The following MYH10 variants were observed in gnomAD, a reference collection of about 807,000 sequenced individuals.
MYH10 encodes the protein myosin heavy chain 10.
Under a neutral mutation model 257.8 loss-of-function variants are expected in MYH10, and 55 were observed. That is an observed-to-expected ratio of 0.21 (90% CI 0.17 to 0.27). The LOEUF is 0.27. MYH10 is among the 10% of genes least tolerant of loss of function. The pLI, the probability that MYH10 is intolerant of heterozygous loss-of-function variation, is 1.00. For missense variants in MYH10, 1,631 were observed against 2,500.6 expected (o/e 0.65, Z 7.42); for synonymous variants, 854 against 921.7 (o/e 0.93, Z 1.33).
chr17:8,489,747 C>CACACACACACACACACACA (rs1567784631), intron 35 of MYH10, among the ~76,000 whole-genome samples: 2 of 79,694 alleles, frequency 2.5e-5, no homozygotes, highest in African/African-American at 1.2e-4. Context: ...ACACACACAC[C>CACACACACACACACACACA]CCAAATCCAA....
intron 14 of MYH10, among the ~76,000 whole-genome samples, chr17:8,540,104 C>G (rs903597340): frequency 6.6e-6 from 1 of 152,208 alleles, no homozygotes; most frequent in African/African-American, 2.4e-5. Context: ...ATTCTCATGT[C>G]TCAGCCTCCT....
rs767996483 is a variant in MYH10, at chr17:8,490,563, G to A, written c.4672-11C>T. ...TTCAAGTTCGTGAACCTAAACCACCGAAGCATCAGGAAAGAGTTGACCGGG... is the reference window on the plus strand; with the variant it reads ...TTCAAGTTCGTGAACCTAAACCACCAAAGCATCAGGAAAGAGTTGACCGGG... On this transcript the variant is annotated splice_polypyrimidine_tract_variant and intron_variant, in intron 34 of 42. Coordinates refer to ENST00000360416, the MANE Select transcript of MYH10 (RefSeq NM_001256012.3). The surrounding 1 kb of genome is among the most constrained non-coding windows in gnomAD (Gnocchi z 4.1). 12 of 1,612,506 alleles carry A rather than the reference G, an allele frequency of 7.4e-6. No homozygotes were observed. The highest frequency in any genetic ancestry group is 1.7e-4 in the Middle Eastern group (1 of 6,058).
chr17:8,489,129 G>A (rs1224767853), intron 35 of MYH10, among the ~76,000 whole-genome samples: 1 of 152,066 alleles, frequency 6.6e-6, no homozygotes, highest in Non-Finnish European at 1.5e-5. Context: ...GGAGGCCCAT[G>A]TGGTGAGCTG....
At position 8,545,596 on chromosome 17, in the gene MYH10, T is replaced by G; in HGVS notation, c.1283A>C (p.Asp428Ala). ...TTTTGCCAATGCTTCTACTGCAAAA[T>G]CTGCCTGTAATTAAATCACAACAAC... ...VQKAQTKEQA[D>A]FAVEALAKAT... Residue 428 changes from aspartate (D) to alanine (A), a missense_variant, in exon 13 of 43, where the codon GAT becomes GCT. This residue lies in a region of MYH10 where 360 missense variants were observed against 581.9 expected (regional missense o/e 0.62). Transcript: ENST00000360416. The surrounding 1 kb of genome is among the most constrained non-coding windows in gnomAD (Gnocchi z 4.7). The G allele has an allele frequency of 6.2e-7, 1 of 1,608,882 alleles. No individual in the cohort carries two copies. Among genetic ancestry groups the G allele is most frequent in the Non-Finnish European group, 8.5e-7 (1 of 1,178,754 alleles).
At chr17:8,628,309 C>A (rs2085759963) in intron 1 of MYH10, among the ~76,000 whole-genome samples, 1 of 152,098 alleles carries the variant, frequency 6.6e-6, no homozygotes, top group African/African-American at 2.4e-5. Context: ...AGTTGCCATC[C>A]CTTTCAGTGG....
rs377198289 is a variant in MYH10, at chr17:8,508,591, G to A, written c.3177C>T (p.Ile1059=). 2.5e-6 allele frequency: 4 copies of A among 1,613,912 alleles called. No individual in the cohort carries two copies. Among genetic ancestry groups the A allele is most frequent in the African/African-American group, 1.3e-5 (1 of 74,860 alleles). The change falls in exon 26 of 43, where the codon ATC becomes ATT. Residue 1059 remains isoleucine, a synonymous_variant. Transcript: ENST00000360416. ...AGATCATCACTTCTTGCTTATTCCT[G>A]ATTTTGGCCAAGTTTTTCGCCTTTT... ...EEEKAKNLAK[I]RNKQEVMISD... is the part of the protein sequence containing the mutation.
At position 8,554,761 on chromosome 17, in the gene MYH10, C is replaced by T. The variant is rs139207885; in HGVS notation, c.757-743G>A. 4.7e-3 allele frequency among the ~76,000 whole-genome samples: 718 copies of T among 152,196 alleles called. 4 individuals carry two copies. Among genetic ancestry groups the T allele is most frequent in the African/African-American group, 0.016 (667 of 41,524 alleles). ...GGTCAGGAGTTCAAGACCAGCCCGG[C>T]CAATACGGTGAAACCCCGTCTCTAC... On this transcript the variant is annotated intron_variant, in intron 7 of 42. Coordinates refer to ENST00000360416, the MANE Select transcript of MYH10 (RefSeq NM_001256012.3).
At chr17:8,541,348 A>T (rs1219422258) in intron 14 of MYH10, among the ~76,000 whole-genome samples, 1 of 152,246 alleles carries the variant, frequency 6.6e-6, no homozygotes, top group East Asian at 1.9e-4. Flanking sequence ...TACGTTACAG[A>T]TATCGGTGGT....
intron 1 of MYH10, among the ~76,000 whole-genome samples, chr17:8,628,003 T>C (rs897664239): frequency 3.9e-5 from 6 of 152,178 alleles, no homozygotes; most frequent in African/African-American, 1.4e-4. Context: ...GAAGGTGACA[T>C]GGAGGAAATT....
chr17:8,508,292 GGAGTC>G (rs1351613612), intron 26 of MYH10, among the ~76,000 whole-genome samples: 1 of 151,158 alleles, frequency 6.6e-6, no homozygotes, highest in Non-Finnish European at 1.5e-5. Flanking sequence ...TTGTAGAGAT[GGAGTC>G]TCACTATGCT....
intron 36 of MYH10, among the ~76,000 whole-genome samples, chr17:8,486,691 C>G (rs1914869054): frequency 6.6e-6 from 1 of 151,876 alleles, no homozygotes; most frequent in South Asian, 2.1e-4. Context: ...TATACACACA[C>G]ATGTGTAGAG....
At chr17:8,534,120 AACTCTGAGGAT>A (rs1444666052) in intron 16 of MYH10, among the ~76,000 whole-genome samples, 2 of 152,150 alleles carry the variant, frequency 1.3e-5, no homozygotes, top group Non-Finnish European at 2.9e-5. Flanking sequence ...AGAGGAGCTC[AACTCTGAGGAT>A]ACTGTAAGTT....
chr17:8,476,094 G>T, intron 42 of MYH10, 146 bp from the exon 43 acceptor site: 2 of 937,612 alleles, frequency 2.1e-6, no homozygotes, highest in Non-Finnish European at 3.1e-6. Context: ...GTACGATGGG[G>T]AAGGACTGCG....
rs757609965 is a variant in MYH10 at position 8,504,655 on chromosome 17, C to A, written c.3599+39G>T. ...TTCTGCACGGGCTCGGTGGAGAGGTCGGCAGGCGCCCGGGCCCTGCTTCCT... is the reference window on the plus strand; with the variant it reads ...TTCTGCACGGGCTCGGTGGAGAGGTAGGCAGGCGCCCGGGCCCTGCTTCCT... On this transcript the variant is annotated intron_variant, in intron 28 of 42. Coordinates refer to ENST00000360416, the MANE Select transcript of MYH10 (RefSeq NM_001256012.3). The surrounding 1 kb of genome is among the most constrained non-coding windows in gnomAD (Gnocchi z 5.6). The A allele has an allele frequency of 2.5e-6, 4 of 1,579,288 alleles. No homozygotes were observed. The South Asian group carries it at 4.5e-5, about 18-fold the overall frequency.
At position 8,493,686 on chromosome 17, in the gene MYH10, GA is replaced by G. The variant is rs538163173; in HGVS notation, c.4209+46del. On this transcript the variant is annotated intron_variant, in intron 32 of 42. Coordinates refer to ENST00000360416, the MANE Select transcript of MYH10 (RefSeq NM_001256012.3). Reference sequence around the variant, plus strand: ...CAGCACAGCAGGGCCAGGATCTGCTGAAGGCACACATCGAGGCCACCGCGGC... The same window carrying G: ...CAGCACAGCAGGGCCAGGATCTGCTGAGGCACACATCGAGGCCACCGCGGC... 877 of 1,569,406 alleles carry G rather than the reference GA, an allele frequency of 5.6e-4. 8 individuals are homozygous for G. The Middle Eastern group carries it at 0.02, about 36-fold the overall frequency.
intron 40 of MYH10, among the ~76,000 whole-genome samples, chr17:8,478,663 A>G (rs1913118706): frequency 1.3e-5 from 2 of 152,224 alleles, no homozygotes; most frequent in African/African-American, 4.8e-5. Flanking sequence ...AGGTAGAATA[A>G]GTGCATTATT....
intron 14 of MYH10, among the ~76,000 whole-genome samples, chr17:8,538,267 G>A (rs906784956): frequency 6.6e-5 from 10 of 152,126 alleles, no homozygotes; most frequent in South Asian, 4.1e-4. Flanking sequence ...GTGTGGTCAC[G>A]CGATCTTGGC....
chr17:8,556,096 A>G (rs944202022), intron 7 of MYH10, among the ~76,000 whole-genome samples: 12 of 152,274 alleles, frequency 7.9e-5, no homozygotes, highest in Non-Finnish European at 1.5e-5. Flanking sequence ...AGACACCACT[A>G]TATACCCACT....
At chr17:8,581,376 T>C (rs1416423013) in intron 4 of MYH10, among the ~76,000 whole-genome samples, 1 of 152,142 alleles carries the variant, frequency 6.6e-6, no homozygotes, top group Non-Finnish European at 1.5e-5. Context: ...AGACTGATGA[T>C]GACTTGTCTC....
Sources: allele counts gnomAD v4.1 joint callset (sites outside exome capture counted in the v4.1 genomes callset), GRCh38; gene constraint gnomAD v4.1.1; regional missense constraint gnomAD v4.1.1; non-coding constraint Gnocchi (gnomAD v3.1); transcripts MANE v1.5; gene names NCBI Gene and HGNC (gene_info 2026-07-23, HGNC 2026-07-21).